The following TSHR variants were observed in gnomAD, a reference collection of about 807,000 sequenced individuals.
TSHR encodes the protein thyrotropin receptor.
Under a neutral mutation model 64.1 loss-of-function variants are expected in TSHR, and 51 were observed. The ratio of observed to expected loss-of-function variants is 0.80; its 90% CI spans 0.64 to 1.01. The LOEUF is 1.01. TSHR is among the 50% of genes least tolerant of loss of function. The probability of loss-of-function intolerance (pLI) is 0.00; values close to 1 mark genes in which losing one functional copy is unlikely to be tolerated. For synonymous variants in TSHR, 361 were observed against 361.9 expected, an observed-to-expected ratio of 1.00 and a Z score of 0.03; for missense variants, 877 against 942.8, an observed-to-expected ratio of 0.93 and a Z score of 0.91.
intron 8 of TSHR, among the ~76,000 whole-genome samples, chr14:81,115,344 T>C (rs903913859): frequency 3.3e-5 from 5 of 149,418 alleles, no homozygotes; most frequent in Non-Finnish European, 7.4e-5. Flanking sequence ...AAGGAGCTGA[T>C]GGAGCTGAAG....
At chr14:81,100,713 A>G (rs1889523616) in intron 7 of TSHR, among the ~76,000 whole-genome samples, 1 of 152,218 alleles carries the variant, frequency 6.6e-6, no homozygotes, top group Non-Finnish European at 1.5e-5. Context: ...TTTAAAGGAT[A>G]TTACAAAGGA....
At chr14:81,108,318 T>A in intron 7 of TSHR, 57 bp from the exon 8 acceptor site, 1 of 1,355,470 alleles carries the variant, frequency 7.4e-7, no homozygotes, top group Non-Finnish European at 1.1e-6. Flanking sequence ...TAATTTGATG[T>A]GATTTCTTAA....
chr14:80,982,608 A>G, intron 1 of TSHR: 2 of 883,896 alleles, frequency 2.3e-6, no homozygotes, highest in Non-Finnish European at 2.9e-6. Flanking sequence ...AAATTAATGG[A>G]AAAAAAAAAT....
chr14:81,032,853 A>G (rs1026728390), intron 1 of TSHR: 25 of 367,866 alleles, frequency 6.8e-5, no homozygotes, highest in Non-Finnish European at 1.2e-4. Context: ...ACTGGAGGCT[A>G]GTGACTGTGA....
At chr14:80,970,792 G>C (rs915912585) in intron 1 of TSHR, among the ~76,000 whole-genome samples, 2 of 152,236 alleles carry the variant, frequency 1.3e-5, no homozygotes, top group Admixed American at 6.5e-5. Context: ...GAAAGGGCAA[G>C]ATACAACTGT....
chr14:80,967,285 T>A (rs1452518135), intron 1 of TSHR, among the ~76,000 whole-genome samples: 1 of 48,384 alleles, frequency 2.1e-5, no homozygotes, highest in Non-Finnish European at 7.3e-5. Context: ...TGACTTACAT[T>A]TTTTTTTTTT....
intron 1 of TSHR, among the ~76,000 whole-genome samples, chr14:80,957,003 G>A (rs1566736039): frequency 6.6e-6 from 1 of 152,070 alleles, no homozygotes; most frequent in African/African-American, 2.4e-5. Context: ...ATTCTTTTGT[G>A]CAGCCTACCA....
intron 1 of TSHR, among the ~76,000 whole-genome samples, chr14:80,985,610 T>A (rs1008240619): frequency 1.3e-5 from 2 of 152,184 alleles, no homozygotes; most frequent in Non-Finnish European, 2.9e-5. Flanking sequence ...ATGGTGGGAA[T>A]TGTAATCCCT....
At chr14:81,104,295 G>A (rs1889759053) in intron 7 of TSHR, 2 of 985,262 alleles carry the variant, frequency 2.0e-6, no homozygotes, top group Middle Eastern at 5.2e-4. Flanking sequence ...GCTGTGGGAG[G>A]AAAACATGGT....
chr14:81,112,899 CG>C (rs1397926355), intron 8 of TSHR, among the ~76,000 whole-genome samples: 3 of 151,998 alleles, frequency 2.0e-5, no homozygotes, highest in African/African-American at 4.8e-5. Flanking sequence ...GTAAAGTAAA[CG>C]GGGGAAAAAG....
intron 1 of TSHR, among the ~76,000 whole-genome samples, chr14:80,977,413 C>T (rs1474071098): frequency 6.6e-6 from 1 of 152,182 alleles, no homozygotes; most frequent in African/African-American, 2.4e-5. Context: ...GACATTCTGA[C>T]TTAATGTATT....
At chr14:81,069,797 G>C (rs1351005658) in intron 3 of TSHR, among the ~76,000 whole-genome samples, 2 of 151,550 alleles carry the variant, frequency 1.3e-5, no homozygotes, top group African/African-American at 4.9e-5. Flanking sequence ...GAGTTTGTGG[G>C]GCAAAAAAAT....
intron 1 of TSHR, among the ~76,000 whole-genome samples, chr14:81,026,105 A>C (rs1457251357): frequency 6.6e-6 from 1 of 152,210 alleles, no homozygotes; most frequent in Non-Finnish European, 1.5e-5. Context: ...ACAAGAAACT[A>C]TCTGTTTGGA....
At chr14:81,064,343 G>A (rs79569397) in intron 2 of TSHR, among the ~76,000 whole-genome samples, 1,756 of 152,218 alleles carry the variant, frequency 0.012, 43 homozygotes, top group African/African-American at 0.038. Context: ...GTGGTTGATC[G>A]GCACATTCAT....
chr14:81,062,115 A>C lies in TSHR; in HGVS notation c.171-33A>C, dbSNP rs756599182. ...GAATTATTAGAAAAGCCCAATGATT[A>C]AAACTCTAATTATGTAACTGTTATT... is the stretch of plus-strand genomic sequence containing the variant. On this transcript the variant is annotated intron_variant, in intron 1 of 9. Transcript: ENST00000298171. 3.2e-6 allele frequency: 5 copies of C among 1,563,872 alleles called. No homozygotes were observed. In the South Asian group the frequency reaches 5.6e-5, roughly 18 times the overall value.
At chr14:81,027,337 A>G (rs1884116933) in intron 1 of TSHR, among the ~76,000 whole-genome samples, 1 of 152,178 alleles carries the variant, frequency 6.6e-6, no homozygotes, top group Non-Finnish European at 1.5e-5. Flanking sequence ...CTGAAATAAG[A>G]GATTTGAATC....
chr14:81,097,582 T>A (rs1344028961), intron 7 of TSHR, among the ~76,000 whole-genome samples: 1 of 152,150 alleles, frequency 6.6e-6, no homozygotes, highest in Non-Finnish European at 1.5e-5. Context: ...GACCACACTT[T>A]AAGTAGCAAG....
chr14:81,133,581 G>C (rs1357015985), intron 8 of TSHR, among the ~76,000 whole-genome samples: 1 of 152,184 alleles, frequency 6.6e-6, no homozygotes, highest in Non-Finnish European at 1.5e-5. Context: ...TGAAGAGGTT[G>C]AGAAATCCTA....
At chr14:81,114,912 A>G (rs1172995155) in intron 8 of TSHR, among the ~76,000 whole-genome samples, 2 of 152,120 alleles carry the variant, frequency 1.3e-5, no homozygotes, top group East Asian at 1.9e-4. Flanking sequence ...ACCCCCCAGC[A>G]GGGGCACACT....
Sources: gnomAD v4.1 joint callset for allele counts (sites outside exome capture counted in the v4.1 genomes callset) on GRCh38, gnomAD v4.1.1 for gene constraint, MANE v1.5 for transcripts, NCBI Gene and HGNC (gene_info 2026-07-23, HGNC 2026-07-21) for gene names.